The following NALCN variants were observed in gnomAD, a reference collection of about 807,000 sequenced individuals.
NALCN encodes sodium leak channel, non-selective.
A neutral mutation model predicts 225.3 loss-of-function variants in NALCN; 111 were observed. The ratio of observed to expected loss-of-function variants is 0.49; its 90% CI spans 0.42 to 0.58. NALCN has a LOEUF of 0.58. Among genes scored for constraint, NALCN ranks in the 20% least tolerant of loss-of-function variants. The pLI is 0.00. For missense variants in NALCN, 1,378 were observed against 2,202.4 expected (o/e 0.63, Z 7.49); for synonymous variants, 764 against 769.0 (o/e 0.99, Z 0.11).
At chr13:101,223,504 G>A (rs982157104) in intron 13 of NALCN, among the ~76,000 whole-genome samples, 2 of 152,086 alleles carry the variant, frequency 1.3e-5, no homozygotes, top group African/African-American at 2.4e-5. Flanking sequence ...GGTTTGGGGT[G>A]CCTCTTTCTT....
rs182619324 is a variant in NALCN, at chr13:101,076,012, C to G, written c.3886-71G>C. On this transcript the variant is annotated intron_variant, in intron 34 of 43. Coordinates refer to ENST00000251127, the MANE Select transcript of NALCN (RefSeq NM_052867.4). ...TCTTGTTACAGTTCCATTTTTTAAG[C>G]CTTCTGTGAAGTATACTGAATAATT... 3.3e-4 allele frequency: 437 copies of G among 1,339,032 alleles called. 1 individual carries two copies. The highest frequency in any genetic ancestry group is 1.2e-3 in the Admixed American group (62 of 49,876). 82.9% of individuals were successfully genotyped at this position (1,339,032 alleles called of 1,614,324 possible).
chr13:101,280,472 C>T (rs74792950), intron 10 of NALCN, among the ~76,000 whole-genome samples: 1,898 of 152,274 alleles, frequency 0.012, 41 homozygotes, highest in African/African-American at 0.044. Context: ...TTCACCCTGT[C>T]ATTAATCCCT....
intron 40 of NALCN, among the ~76,000 whole-genome samples, chr13:101,065,108 C>G (rs1458810147): frequency 6.6e-6 from 1 of 152,172 alleles, no homozygotes; most frequent in Non-Finnish European, 1.5e-5. Context: ...GGACTGTGCT[C>G]TCCCAGATCC....
intron 6 of NALCN, among the ~76,000 whole-genome samples, chr13:101,347,664 G>A (rs1322653332): frequency 6.6e-6 from 1 of 152,122 alleles, no homozygotes; most frequent in Non-Finnish European, 1.5e-5. Context: ...GGCTTTCTGG[G>A]TTTGATCCCA....
At chr13:101,339,996 A>G (rs565267076) in intron 7 of NALCN, among the ~76,000 whole-genome samples, 1 of 148,960 alleles carries the variant, frequency 6.7e-6, no homozygotes, top group East Asian at 2.0e-4. Flanking sequence ...CGGCGGGTAC[A>G]GTGGCTCACG....
At chr13:101,397,614 A>G (rs1413621203) in intron 2 of NALCN, among the ~76,000 whole-genome samples, 1 of 151,364 alleles carries the variant, frequency 6.6e-6, no homozygotes, top group East Asian at 1.9e-4. Flanking sequence ...TGTGATATAC[A>G]TATAACCTGT....
At chr13:101,238,181 T>C (rs1475056968) in intron 11 of NALCN, among the ~76,000 whole-genome samples, 5 of 151,948 alleles carry the variant, frequency 3.3e-5, no homozygotes, top group African/African-American at 1.2e-4. Flanking sequence ...CTTTATTATC[T>C]ATATTTGATA....
At chr13:101,330,053 AAT>A (rs1025047768) in intron 7 of NALCN, among the ~76,000 whole-genome samples, 1 of 149,340 alleles carries the variant, frequency 6.7e-6, no homozygotes, top group Admixed American at 6.7e-5. Context: ...AATTATATAT[AAT>A]ATATATATAC....
At chr13:101,279,836 A>AAATAAATAAATAAAT (rs547147370) in intron 10 of NALCN, among the ~76,000 whole-genome samples, 7 of 134,048 alleles carry the variant, frequency 5.2e-5, no homozygotes, top group African/African-American at 1.5e-4. Context: ...ATAAATAAAT[A>AAATAAATAAATAAAT]AAATAAATAA....
rs1420864807 is a variant in NALCN, at chr13:101,104,883, G to A, written c.2636+11C>T. ...TAAATGTGCATGGAAAATGAAGTTGGTGATGCTTACTAAAGTTGATGGTAC... is the reference window on the plus strand; with the variant it reads ...TAAATGTGCATGGAAAATGAAGTTGATGATGCTTACTAAAGTTGATGGTAC... On this transcript the variant is annotated intron_variant, in intron 23 of 43. Coordinates refer to ENST00000251127, the MANE Select transcript of NALCN (RefSeq NM_052867.4). The surrounding 1 kb of genome is among the most constrained non-coding windows in gnomAD (Gnocchi z 4.2). The A allele has an allele frequency of 1.2e-6, 2 of 1,613,456 alleles. No homozygotes were observed. Among genetic ancestry groups the A allele is most frequent in the East Asian group, 2.2e-5 (1 of 44,844 alleles).
intron 15 of NALCN, among the ~76,000 whole-genome samples, chr13:101,150,954 T>C (rs2037617415): frequency 6.6e-6 from 1 of 152,212 alleles, no homozygotes; most frequent in African/African-American, 2.4e-5. Context: ...AAAGGAAGTT[T>C]ATAATGGCCT....
intron 1 of NALCN, among the ~76,000 whole-genome samples, chr13:101,407,935 T>A: frequency 6.6e-6 from 1 of 152,232 alleles, no homozygotes; most frequent in East Asian, 1.9e-4. Flanking sequence ...GTTTATTAAG[T>A]GTGAGGCTAA....
chr13:101,101,281 CTTT>C (rs60948311), intron 26 of NALCN, among the ~76,000 whole-genome samples: 2 of 112,368 alleles, frequency 1.8e-5, no homozygotes, highest in African/African-American at 3.5e-5. Flanking sequence ...ATTTTTTTTT[CTTT>C]TTTTTTTTTT....
chr13:101,279,434 A>G (rs1173585624), intron 10 of NALCN, among the ~76,000 whole-genome samples: 2 of 152,240 alleles, frequency 1.3e-5, no homozygotes, highest in African/African-American at 4.8e-5. Flanking sequence ...GGAAGGATAC[A>G]TTGAAAGAAG....
At chr13:101,063,438 G>A (rs1043776164) in intron 40 of NALCN, among the ~76,000 whole-genome samples, 2 of 152,176 alleles carry the variant, frequency 1.3e-5, no homozygotes, top group Admixed American at 6.5e-5. Context: ...CACAGATTTT[G>A]CCTGGGTCTA....
In NALCN at chr13:101,290,826, G is replaced by C. The variant is rs371166661; in HGVS notation, c.1047+1164C>G. Among the ~76,000 whole-genome samples, 57 of 152,308 alleles carry C rather than the reference G, an allele frequency of 3.7e-4. 1 individual carries two copies. The highest frequency in any genetic ancestry group is 1.2e-3 in the African/African-American group (51 of 41,568). On this transcript the variant is annotated intron_variant, in intron 9 of 43. Coordinates refer to ENST00000251127, the MANE Select transcript of NALCN (RefSeq NM_052867.4). ...AACAGTATTTGTAAGTGTTTACAAA[G>C]TTGTTAAATATCCTTTAGAATTTAA... is the stretch of plus-strand genomic sequence containing the variant.
At chr13:101,362,106 G>A (rs745722076) in intron 6 of NALCN, among the ~76,000 whole-genome samples, 2 of 151,866 alleles carry the variant, frequency 1.3e-5, no homozygotes, top group Non-Finnish European at 2.9e-5. Context: ...GAGATATATA[G>A]ATAGTACTAA....
At chr13:101,406,123 T>C (rs1566660121) in intron 1 of NALCN, among the ~76,000 whole-genome samples, 1 of 139,696 alleles carries the variant, frequency 7.2e-6, no homozygotes, top group Non-Finnish European at 1.5e-5. Context: ...GAGACCAGCC[T>C]GGGCAACATG....
chr13:101,291,636 C>T (rs1162535019), intron 9 of NALCN, among the ~76,000 whole-genome samples: 2 of 152,126 alleles, frequency 1.3e-5, no homozygotes, highest in African/African-American at 2.4e-5. Context: ...TACCTTTGAC[C>T]TCCTGAGCTC....
Sources: allele counts gnomAD v4.1 joint callset (sites outside exome capture counted in the v4.1 genomes callset), GRCh38; gene constraint gnomAD v4.1.1; non-coding constraint Gnocchi (gnomAD v3.1); transcripts MANE v1.5; gene names NCBI Gene and HGNC (gene_info 2026-07-23, HGNC 2026-07-21).